SP140L: variants seen among roughly 807,000 people sequenced by gnomAD.
SP140L encodes SP140 like nuclear body protein, also known as nuclear body protein SP140-like protein.
In SP140L, 64 loss-of-function variants were observed where a neutral mutation model predicts 84.3. The ratio of observed to expected loss-of-function variants is 0.76; its 90% CI spans 0.62 to 0.94. The LOEUF is 0.94. Ranked by LOEUF, SP140L falls within the 40% of genes least tolerant of loss-of-function variation. The probability of loss-of-function intolerance (pLI) is 0.00; values close to 1 mark genes in which losing one functional copy is unlikely to be tolerated. For synonymous variants in SP140L, 242 were observed against 236.9 expected (o/e 1.02, Z -0.20); for missense variants, 628 against 692.5 (o/e 0.91, Z 1.05).
intron 5 of SP140L, among the ~76,000 whole-genome samples, chr2:230,363,647 C>G (rs2149745674): frequency 6.6e-6 from 1 of 151,898 alleles, no homozygotes; most frequent in East Asian, 1.9e-4. Context: ...CTGATTGTTT[C>G]CTTGCCCATG....
chr2:230,396,870 G>A, intron 14 of SP140L, 72 bp downstream of exon 14: 7 of 1,569,650 alleles, frequency 4.5e-6, no homozygotes, highest in Non-Finnish European at 6.1e-6. Context: ...TCTGTGTCAT[G>A]ACTGCTGTTG....
intron 2 of SP140L, among the ~76,000 whole-genome samples, chr2:230,331,248 T>C (rs1392007875): frequency 6.6e-6 from 1 of 152,200 alleles, no homozygotes; most frequent in Admixed American, 6.5e-5. Flanking sequence ...GTTATAGTTG[T>C]TCTACTTTAT....
chr2:230,396,596 GC>G (rs1312478742), intron 13 of SP140L, among the ~76,000 whole-genome samples, 160 bp from the exon 14 acceptor site: 1 of 152,192 alleles, frequency 6.6e-6, no homozygotes. Context: ...GGAAATTAAA[GC>G]ACTGGAGCCA....
At chr2:230,333,208 G>C (rs1247594381) in intron 2 of SP140L, among the ~76,000 whole-genome samples, 1 of 150,716 alleles carries the variant, frequency 6.6e-6, no homozygotes, top group Non-Finnish European at 1.5e-5. Context: ...CTCCAGGCTG[G>C]AGTGCAGTGG....
chr2:230,392,452 G>A (rs1296923890), intron 12 of SP140L, among the ~76,000 whole-genome samples: 1 of 152,182 alleles, frequency 6.6e-6, no homozygotes, highest in Non-Finnish European at 1.5e-5. Flanking sequence ...TCAGCAGCTT[G>A]GAGGAGGAAA....
intron 14 of SP140L, among the ~76,000 whole-genome samples, chr2:230,397,855 G>C (rs770945117): frequency 6.6e-6 from 1 of 152,134 alleles, no homozygotes; most frequent in Non-Finnish European, 1.5e-5. Context: ...CAGTGTTTGC[G>C]TGGCTGATTT....
At chr2:230,395,060 G>T (rs111537080) in intron 13 of SP140L, among the ~76,000 whole-genome samples, 2,185 of 123,146 alleles carry the variant, frequency 0.018, 55 homozygotes, top group African/African-American at 0.057. Context: ...TCTCAGCCTC[G>T]CAGGTTCAAG....
chr2:230,347,254 C>T (rs1359495185), intron 2 of SP140L, among the ~76,000 whole-genome samples: 1 of 152,056 alleles, frequency 6.6e-6, no homozygotes, highest in Non-Finnish European at 1.5e-5. Context: ...TGGAACAAGA[C>T]CTCAAGCTAC....
chr2:230,358,867 G>T, intron 3 of SP140L, 97 bp from the exon 4 acceptor site: 1 of 992,158 alleles, frequency 1.0e-6, no homozygotes, highest in Non-Finnish European at 1.5e-6. Flanking sequence ...TACCTCTGAA[G>T]AGAAATTGAA....
intron 7 of SP140L, among the ~76,000 whole-genome samples, chr2:230,380,449 C>A (rs191899291): frequency 2.9e-4 from 44 of 152,238 alleles, no homozygotes; most frequent in African/African-American, 9.4e-4. Context: ...ACATCAGTAC[C>A]CTTCCCCCTC....
intron 5 of SP140L, among the ~76,000 whole-genome samples, chr2:230,369,994 G>A (rs2061007317): frequency 2.7e-5 from 4 of 148,028 alleles, no homozygotes; most frequent in African/African-American, 8.0e-5. Context: ...GGCTGGTCTT[G>A]AATTCCTGAC....
intron 7 of SP140L, among the ~76,000 whole-genome samples, chr2:230,380,759 ATTTCACTCAGCATGTT>A (rs2061377834): frequency 1.3e-5 from 2 of 152,114 alleles, no homozygotes; most frequent in South Asian, 4.1e-4. Context: ...TGTGAGATTT[ATTTCACTCAGCATGTT>A]TTTGAGATTC....
Position 230,383,506 on chromosome 2 carries a change from G to T in SP140L, c.638-4G>T. The T allele has an allele frequency of 6.2e-7, 1 of 1,600,444 alleles. No individual in the cohort carries two copies. ...TAATTAACTTTATTCTCTTTGGTTTGAAGGAAAAAAGAAGGGGCATGGCTG... is the reference window on the plus strand; with the variant it reads ...TAATTAACTTTATTCTCTTTGGTTTTAAGGAAAAAAGAAGGGGCATGGCTG... On this transcript the variant is annotated splice_region_variant and splice_polypyrimidine_tract_variant and intron_variant, in intron 7 of 18. Coordinates refer to ENST00000415673, the MANE Select transcript of SP140L (RefSeq NM_138402.6).
At chr2:230,362,405 G>A in intron 5 of SP140L, among the ~76,000 whole-genome samples, 1 of 152,066 alleles carries the variant, frequency 6.6e-6, no homozygotes, top group East Asian at 1.9e-4. Context: ...GGCAGAAGAG[G>A]GGACCCATTT....
chr2:230,357,200 A>G (rs938631328), intron 2 of SP140L, among the ~76,000 whole-genome samples: 1 of 152,228 alleles, frequency 6.6e-6, no homozygotes, highest in African/African-American at 2.4e-5. Context: ...ATTTATATTA[A>G]CACAAAGCAG....
intron 7 of SP140L, among the ~76,000 whole-genome samples, chr2:230,373,065 T>G (rs2061138247): frequency 6.6e-6 from 1 of 152,230 alleles, no homozygotes; most frequent in South Asian, 2.1e-4. Flanking sequence ...TTCACTTCTC[T>G]GAAGGCTGTG....
At chr2:230,383,476 CT>C in intron 7 of SP140L, 33 bp from the exon 8 acceptor site, 1 of 1,552,324 alleles carries the variant, frequency 6.4e-7, no homozygotes. Context: ...ATTTATTCCT[CT>C]GTATAATTAA....
At chr2:230,371,757 T>G in intron 7 of SP140L, 106 bp downstream of exon 7, 2 of 1,086,816 alleles carry the variant, frequency 1.8e-6, no homozygotes, top group South Asian at 2.8e-5. Flanking sequence ...TTTGCAATAC[T>G]GTGGTAGAGA....
chr2:230,369,768 G>C (rs2060995227), intron 5 of SP140L, among the ~76,000 whole-genome samples: 1 of 152,174 alleles, frequency 6.6e-6, no homozygotes, highest in South Asian at 2.1e-4. Context: ...CTTTTTGTTT[G>C]TTTGTTTTCT....
Sources: allele counts gnomAD v4.1 joint callset (sites outside exome capture counted in the v4.1 genomes callset), GRCh38; gene constraint gnomAD v4.1.1; transcripts MANE v1.5; gene names NCBI Gene and HGNC (gene_info 2026-07-23, HGNC 2026-07-21).